CDH8: variants seen among roughly 807,000 people sequenced by gnomAD.
CDH8 encodes the protein cadherin 8.
In CDH8, 17 loss-of-function variants were observed where a neutral mutation model predicts 68.1. That is an observed-to-expected ratio of 0.25 (90% confidence interval 0.17 to 0.37). The LOEUF is 0.37. CDH8 is among the 10% of genes least tolerant of loss of function. The probability of loss-of-function intolerance (pLI) is 1.00; values close to 1 mark genes in which losing one functional copy is unlikely to be tolerated. For missense variants in CDH8, 763 were observed against 999.3 expected (o/e 0.76, Z 3.19); for synonymous variants, 372 against 365.1 (o/e 1.02, Z -0.21).
At chr16:61,800,672 C>A (rs866507925) in intron 7 of CDH8, among the ~76,000 whole-genome samples, 1 of 152,162 alleles carries the variant, frequency 6.6e-6, no homozygotes, top group Non-Finnish European at 1.5e-5. Context: ...CCGTCCCATT[C>A]CCCAGCAAGC....
At chr16:61,801,514 A>G (rs1045982295) in intron 7 of CDH8, among the ~76,000 whole-genome samples, 5 of 152,184 alleles carry the variant, frequency 3.3e-5, no homozygotes, top group Non-Finnish European at 5.9e-5. Flanking sequence ...AGCGTGAGCG[A>G]CGCAGAAGAC....
intron 7 of CDH8, among the ~76,000 whole-genome samples, chr16:61,814,594 T>C (rs969352610): frequency 2.0e-5 from 3 of 152,358 alleles, no homozygotes; most frequent in East Asian, 3.9e-4. Context: ...TATTTCTTGC[T>C]GGATAGCAAA....
chr16:61,980,387 G>T (rs1222067107), intron 2 of CDH8, among the ~76,000 whole-genome samples: 7 of 152,076 alleles, frequency 4.6e-5, no homozygotes, highest in Non-Finnish European at 8.8e-5. Context: ...GTAACTTTGG[G>T]CAAGTTACTT....
chr16:61,832,165 C>A (rs533573855), intron 4 of CDH8, among the ~76,000 whole-genome samples: 6 of 151,818 alleles, frequency 4.0e-5, no homozygotes, highest in Non-Finnish European at 8.8e-5. Flanking sequence ...CAATATCAAA[C>A]TTGCACAGAT....
intron 8 of CDH8, among the ~76,000 whole-genome samples, chr16:61,768,349 T>TCC (rs1878133672): frequency 8.9e-6 from 1 of 112,374 alleles, no homozygotes; most frequent in African/African-American, 3.6e-5. Flanking sequence ...TCTCTCTCTC[T>TCC]CTCTCTCTCT....
At chr16:61,970,879 G>C (rs1211657645) in intron 2 of CDH8, among the ~76,000 whole-genome samples, 2 of 152,186 alleles carry the variant, frequency 1.3e-5, no homozygotes, top group Non-Finnish European at 2.9e-5. Flanking sequence ...ATCCACAAAA[G>C]AAGTAAAAAC....
chr16:61,950,479 A>G (rs1212694460), intron 2 of CDH8, among the ~76,000 whole-genome samples: 1 of 152,206 alleles, frequency 6.6e-6, no homozygotes, highest in Non-Finnish European at 1.5e-5. Flanking sequence ...AAGGGATGCG[A>G]CTGGGTGTCT....
At chr16:61,708,517 A>G (rs1964572332) in intron 10 of CDH8, among the ~76,000 whole-genome samples, 1 of 152,182 alleles carries the variant, frequency 6.6e-6, no homozygotes, top group Non-Finnish European at 1.5e-5. Context: ...TGAAAACTAC[A>G]AAATAACAAG....
At chr16:61,924,036 A>T (rs984025466) in intron 2 of CDH8, among the ~76,000 whole-genome samples, 3 of 151,660 alleles carry the variant, frequency 2.0e-5, no homozygotes, top group Non-Finnish European at 4.4e-5. Context: ...ATTTCTAAGA[A>T]GTTCCTGGGT....
At chr16:61,947,894 A>G (rs1964825223) in intron 2 of CDH8, among the ~76,000 whole-genome samples, 1 of 152,170 alleles carries the variant, frequency 6.6e-6, no homozygotes, top group African/African-American at 2.4e-5. Context: ...TGCTCAGCTG[A>G]TGGAATTTTT....
chr16:61,793,062 C>T (rs1056738633), intron 7 of CDH8, among the ~76,000 whole-genome samples: 1 of 151,802 alleles, frequency 6.6e-6, no homozygotes, highest in African/African-American at 2.4e-5. Context: ...GAAGCCCTCA[C>T]AAATGAAATT....
At chr16:61,877,918 A>C (rs1462876734) in intron 3 of CDH8, among the ~76,000 whole-genome samples, 1 of 152,184 alleles carries the variant, frequency 6.6e-6, no homozygotes, top group Non-Finnish European at 1.5e-5. Flanking sequence ...TGAAGCTCTC[A>C]CAAGTTTACC....
rs561896550 is a variant in CDH8 at position 62,021,752 on chromosome 16, T to C, written c.-199-150A>G. The stretch of plus-strand genomic sequence containing the variant: ...AGTGGATCTGAAGAATTAGAATAAG[T>C]AGCCTAGTAAGTCCTTTAATTTTTA... On this transcript the variant is annotated intron_variant, in intron 1 of 11. Coordinates refer to ENST00000577390, the MANE Select transcript of CDH8 (RefSeq NM_001796.5). The C allele has an allele frequency of 1.5e-5, 6 of 408,422 alleles. No homozygotes were observed. In the South Asian group the frequency reaches 4.0e-4, roughly 27 times the overall value. 25.3% of individuals were successfully genotyped at this position (408,422 alleles called of 1,614,324 possible).
chr16:61,991,650 C>T (rs773504830), intron 2 of CDH8, among the ~76,000 whole-genome samples: 3 of 152,210 alleles, frequency 2.0e-5, no homozygotes, highest in African/African-American at 2.4e-5. Flanking sequence ...AAAGATCATG[C>T]TCAAGCCGGT....
chr16:62,014,857 GA>G (rs1901898033), intron 2 of CDH8, among the ~76,000 whole-genome samples: 1 of 152,096 alleles, frequency 6.6e-6, no homozygotes, highest in African/African-American at 2.4e-5. Flanking sequence ...TTATGTAAGA[GA>G]GAGGATTTAG....
chr16:61,878,242 G>T (rs1040825246), intron 3 of CDH8, among the ~76,000 whole-genome samples: 5 of 152,190 alleles, frequency 3.3e-5, no homozygotes, highest in Non-Finnish European at 5.9e-5. Context: ...AAGTACTTTG[G>T]ATTTCTTTGC....
intron 2 of CDH8, among the ~76,000 whole-genome samples, chr16:62,004,691 A>G (rs1321380775): frequency 6.6e-6 from 1 of 152,240 alleles, no homozygotes; most frequent in Non-Finnish European, 1.5e-5. Flanking sequence ...TATGGCTCAT[A>G]AAAAGCATGG....
At chr16:61,695,303 C>A (rs975424676) in intron 10 of CDH8, among the ~76,000 whole-genome samples, 14 of 152,134 alleles carry the variant, frequency 9.2e-5, no homozygotes, top group African/African-American at 3.4e-4. Flanking sequence ...CAAAGAGATT[C>A]AGTTAACTGT....
intron 2 of CDH8, among the ~76,000 whole-genome samples, chr16:62,020,645 C>G (rs918339938): frequency 6.6e-6 from 1 of 152,128 alleles, no homozygotes; most frequent in Non-Finnish European, 1.5e-5. Context: ...ACTTTAAGAA[C>G]TTCCTTTTCT....
Sources: gnomAD v4.1 joint callset for allele counts (sites outside exome capture counted in the v4.1 genomes callset) on GRCh38, gnomAD v4.1.1 for gene constraint, MANE v1.5 for transcripts, NCBI Gene and HGNC (gene_info 2026-07-23, HGNC 2026-07-21) for gene names.